AGO3: variants seen among roughly 807,000 people sequenced by gnomAD.
AGO3 encodes protein argonaute-3.
A neutral mutation model predicts 105.5 loss-of-function variants in AGO3; 16 were observed. The observed-to-expected ratio is 0.15, with a 90% CI of 0.10 to 0.23. The LOEUF (loss-of-function observed/expected upper bound fraction) is 0.23. Ranked by LOEUF, AGO3 falls within the 10% of genes least tolerant of loss-of-function variation. The pLI, the probability that AGO3 is intolerant of heterozygous loss-of-function variation, is 1.00. For missense variants in AGO3, 534 were observed against 1,088.0 expected (o/e 0.49, Z 7.16); for synonymous variants, 340 against 367.3 (o/e 0.93, Z 0.85).
chr1:35,946,883 A>C (rs1345002894), intron 2 of AGO3, among the ~76,000 whole-genome samples: 1 of 152,234 alleles, frequency 6.6e-6, no homozygotes, highest in East Asian at 1.9e-4. Flanking sequence ...GAACCTCTTA[A>C]GAAGTTAACT....
rs1569974751 is a variant in AGO3, at chr1:36,059,831, G to C, written c.*4086G>C. On this transcript the variant is annotated 3_prime_UTR_variant, in exon 19 of 19. Coordinates refer to ENST00000373191, the MANE Select transcript of AGO3 (RefSeq NM_024852.4). The stretch of plus-strand genomic sequence containing the variant: ...GACACGGAATATCAAAGTAACAAAG[G>C]GTGCTGCCATTTTAGTTTCAATTTA... 1 of 151,970 alleles carries C rather than the reference G, an allele frequency of 6.6e-6. No individual in the cohort carries two copies. The allele number at this position is 151,970 out of a possible 1,614,324, so 9.4% of individuals were successfully genotyped here. A position where few individuals can be genotyped will look rare whatever the true frequency, so the allele number is the denominator to read the frequency against.
At chr1:36,009,194 TAAC>T (rs1640474982) in intron 8 of AGO3, 150 bp downstream of exon 8, 2 of 1,120,046 alleles carry the variant, frequency 1.8e-6, no homozygotes, top group South Asian at 3.9e-5. Flanking sequence ...TGTAATGAAA[TAAC>T]ACGAAACAAG....
chr1:36,045,832 T>C (rs1232309958), intron 17 of AGO3, among the ~76,000 whole-genome samples: 2 of 152,170 alleles, frequency 1.3e-5, no homozygotes, highest in Non-Finnish European at 2.9e-5. Flanking sequence ...CATGAATCAC[T>C]GCACTGGGCC....
intron 5 of AGO3, 87 bp downstream of exon 5, chr1:35,973,598 T>C (rs949242198): frequency 7.9e-7 from 1 of 1,273,496 alleles, no homozygotes; most frequent in Non-Finnish European, 1.0e-6. Flanking sequence ...TTATACATAC[T>C]GGTGTCTCGA....
chr1:36,010,904 C>CAA (rs759368411), intron 9 of AGO3, among the ~76,000 whole-genome samples: 3 of 32,958 alleles, frequency 9.1e-5, no homozygotes, highest in Admixed American at 3.2e-4. Flanking sequence ...GAAACTCTGT[C>CAA]AAAAAAAAAA....
At chr1:35,957,923 A>G (rs963059904) in intron 2 of AGO3, among the ~76,000 whole-genome samples, 1 of 151,594 alleles carries the variant, frequency 6.6e-6, no homozygotes, top group Admixed American at 6.6e-5. Context: ...AAGATTAGCC[A>G]GGTATAATGG....
intron 1 of AGO3, among the ~76,000 whole-genome samples, chr1:35,942,121 A>G (rs1224715704): frequency 6.6e-6 from 1 of 152,210 alleles, no homozygotes; most frequent in African/African-American, 2.4e-5. Flanking sequence ...GATAGGAAAG[A>G]TTATGCCCTC....
intron 5 of AGO3, among the ~76,000 whole-genome samples, chr1:35,993,738 C>CTTTT (rs141978570): frequency 7.6e-4 from 69 of 90,782 alleles, no homozygotes; most frequent in African/African-American, 2.5e-3. Context: ...CCACCCCCTG[C>CTTTT]TTTTTTTTTT....
chr1:36,013,396 T>A, intron 9 of AGO3: 1 of 449,472 alleles, frequency 2.2e-6, no homozygotes, highest in Non-Finnish European at 4.0e-6. Context: ...TTCAACCTAA[T>A]GCATACATAC....
chr1:36,035,334 A>G, intron 13 of AGO3, among the ~76,000 whole-genome samples: 1 of 152,170 alleles, frequency 6.6e-6, no homozygotes, highest in East Asian at 1.9e-4. Flanking sequence ...CAGGGAAGTC[A>G]AGGCTGCAGT....
At chr1:36,043,781 C>T (rs923744101) in intron 17 of AGO3, among the ~76,000 whole-genome samples, 2 of 152,096 alleles carry the variant, frequency 1.3e-5, no homozygotes, top group East Asian at 1.9e-4. Context: ...TAGAATGAAT[C>T]TCCCTAAAAC....
At position 36,055,240 on chromosome 1, in the gene AGO3, TC is replaced by T. The variant is rs1350917684; in HGVS notation, c.2474+97del. The T allele has an allele frequency of 7.4e-7, 1 of 1,348,234 alleles. No individual in the cohort carries two copies. Among genetic ancestry groups the T allele is most frequent in the African/African-American group, 1.5e-5 (1 of 68,794 alleles). The allele number at this position is 1,348,234 out of a possible 1,614,324, so 83.5% of individuals were successfully genotyped here. A position where few individuals can be genotyped will look rare whatever the true frequency, so the allele number is the denominator to read the frequency against. The stretch of plus-strand genomic sequence containing the variant: ...CACAAGCTATTAGCGGAGTCAGTGA[TC>T]CATGTGAAAAATGATGACAGAACTG... On this transcript the variant is annotated intron_variant, in intron 18 of 18. Transcript: ENST00000373191. The surrounding 1 kb of genome is among the most constrained non-coding windows in gnomAD (Gnocchi z 4.4).
At chr1:35,964,667 G>A (rs905105308) in intron 2 of AGO3, among the ~76,000 whole-genome samples, 1 of 152,130 alleles carries the variant, frequency 6.6e-6, no homozygotes, top group African/African-American at 2.4e-5. Context: ...GGGTTAAATG[G>A]TAGTTCTCTT....
At chr1:36,002,028 T>A (rs1640108268) in intron 5 of AGO3, among the ~76,000 whole-genome samples, 1 of 152,114 alleles carries the variant, frequency 6.6e-6, no homozygotes. Flanking sequence ...TAAAAAAAAT[T>A]TTTTTTTGAG....
intron 11 of AGO3, among the ~76,000 whole-genome samples, chr1:36,023,615 A>G (rs1461994988): frequency 6.6e-6 from 1 of 152,228 alleles, no homozygotes; most frequent in Non-Finnish European, 1.5e-5. Context: ...AGTTGGCTGC[A>G]TTTTATTGGC....
At chr1:36,007,990 A>T (rs1242512648) in intron 6 of AGO3, among the ~76,000 whole-genome samples, 1 of 152,216 alleles carries the variant, frequency 6.6e-6, no homozygotes, top group Non-Finnish European at 1.5e-5. Flanking sequence ...GTGCTAAATT[A>T]TGTATATGTG....
chr1:35,931,923 G>C (rs1205197352), intron 1 of AGO3, among the ~76,000 whole-genome samples: 1 of 152,204 alleles, frequency 6.6e-6, no homozygotes, highest in Non-Finnish European at 1.5e-5. Context: ...ACATGGCATT[G>C]CTCCTACCCT....
chr1:35,996,200 C>T (rs1475169199), intron 5 of AGO3, among the ~76,000 whole-genome samples: 1 of 151,794 alleles, frequency 6.6e-6, no homozygotes. Flanking sequence ...TGGTGCATGC[C>T]TCTATTCCCA....
chr1:35,938,553 T>A (rs1646196107), intron 1 of AGO3, among the ~76,000 whole-genome samples: 1 of 152,174 alleles, frequency 6.6e-6, no homozygotes, highest in African/African-American at 2.4e-5. Flanking sequence ...TATATAATAG[T>A]ATAATAATTT....
Sources: allele counts gnomAD v4.1 joint callset (sites outside exome capture counted in the v4.1 genomes callset), GRCh38; gene constraint gnomAD v4.1.1; non-coding constraint Gnocchi (gnomAD v3.1); transcripts MANE v1.5; gene names NCBI Gene and HGNC (gene_info 2026-07-23, HGNC 2026-07-21).